The following RORB variants were observed in gnomAD, a reference collection of about 807,000 sequenced individuals.
The protein encoded by RORB is nuclear receptor ROR-beta.
Under a neutral mutation model 59.1 loss-of-function variants are expected in RORB, and 6 were observed. The ratio of observed to expected loss-of-function variants is 0.10; its 90% confidence interval spans 0.06 to 0.20. RORB has a LOEUF of 0.20. Ranked by LOEUF, RORB falls within the 10% of genes least tolerant of loss-of-function variation. The pLI is 1.00. For synonymous variants in RORB, 215 were observed against 204.5 expected (o/e 1.05, Z -0.44); for missense variants, 320 against 560.5 (o/e 0.57, Z 4.33).
intron 4 of RORB, among the ~76,000 whole-genome samples, chr9:74,644,049 G>A (rs1039267284): frequency 6.6e-6 from 1 of 152,124 alleles, no homozygotes; most frequent in African/African-American, 2.4e-5. Flanking sequence ...CTACATGCTC[G>A]GTCACCTTCT....
chr9:74,517,191 T>C (rs1826022224), intron 1 of RORB, among the ~76,000 whole-genome samples: 1 of 152,020 alleles, frequency 6.6e-6, no homozygotes, highest in South Asian at 2.1e-4. Context: ...ATGTGTCATC[T>C]TTTAAAAAAA....
intron 4 of RORB, among the ~76,000 whole-genome samples, chr9:74,647,532 C>T (rs1489770181): frequency 2.0e-5 from 3 of 152,154 alleles, no homozygotes; most frequent in Non-Finnish European, 2.9e-5. Context: ...AACTTTCTCT[C>T]CAGATAAAGA....
chr9:74,497,858 G>C lies in RORB; in HGVS notation c.-119G>C, dbSNP rs560757298. 1.6e-5 allele frequency: 21 copies of C among 1,279,196 alleles called. No homozygotes were observed. The highest frequency in any genetic ancestry group is 1.5e-4 in the South Asian group (12 of 77,644). The allele number at this position is 1,279,196 out of a possible 1,614,324, so 79.2% of individuals were successfully genotyped here. ...GTCCGCCTAAAGGGATGGTTTTCTC[G>C]GCAGAGCAGCTCTTCGCCGACCACC... is the stretch of plus-strand genomic sequence containing the variant. On this transcript the variant is annotated 5_prime_UTR_variant, in exon 1 of 10. Transcript: ENST00000376896.
intron 2 of RORB, among the ~76,000 whole-genome samples, chr9:74,633,222 T>C (rs2118428040): frequency 1.3e-5 from 2 of 152,354 alleles, no homozygotes; most frequent in South Asian, 2.1e-4. Flanking sequence ...TAAAATATTG[T>C]ATTTTCTAAT....
intron 1 of RORB, among the ~76,000 whole-genome samples, chr9:74,625,826 G>C (rs35810823): frequency 0.31 from 47,273 of 152,064 alleles, 7,517 homozygotes; most frequent in Non-Finnish European, 0.35. Context: ...AATTGTAAGA[G>C]TTGGAAGGGT....
intron 1 of RORB, among the ~76,000 whole-genome samples, chr9:74,587,787 C>T (rs1822824034): frequency 6.6e-6 from 1 of 152,184 alleles, no homozygotes; most frequent in Admixed American, 6.5e-5. Context: ...ACATGTCAAT[C>T]TCTGCTACTC....
intron 3 of RORB, among the ~76,000 whole-genome samples, chr9:74,641,667 G>A (rs542044217): frequency 2.6e-5 from 4 of 152,122 alleles, no homozygotes; most frequent in South Asian, 4.2e-4. Context: ...TTGAGAGGCC[G>A]AGACAGGAGG....
intron 1 of RORB, among the ~76,000 whole-genome samples, chr9:74,531,362 A>G (rs1415404737): frequency 6.6e-6 from 1 of 152,034 alleles, no homozygotes; most frequent in African/African-American, 2.4e-5. Context: ...CCATGTGCAC[A>G]GCCAAATCAA....
intron 1 of RORB, among the ~76,000 whole-genome samples, chr9:74,601,371 TTATATA>T (rs5898364): frequency 6.8e-6 from 1 of 147,514 alleles, no homozygotes; most frequent in Non-Finnish European, 1.5e-5. Context: ...AATATGTGAA[TTATATA>T]TATATTATAT....
At chr9:74,632,277 T>C (rs1823631713) in intron 2 of RORB, among the ~76,000 whole-genome samples, 1 of 152,188 alleles carries the variant, frequency 6.6e-6, no homozygotes. Flanking sequence ...AATTATGCTG[T>C]TATTATGAAG....
intron 9 of RORB, among the ~76,000 whole-genome samples, chr9:74,681,473 G>A (rs1219584956): frequency 6.6e-6 from 1 of 152,186 alleles, no homozygotes; most frequent in East Asian, 1.9e-4. Flanking sequence ...CATGGACGCT[G>A]GGAGAGCTCT....
intron 1 of RORB, among the ~76,000 whole-genome samples, chr9:74,621,419 T>G (rs1823416443): frequency 6.6e-6 from 1 of 152,266 alleles, no homozygotes; most frequent in African/African-American, 2.4e-5. Flanking sequence ...CGTGGCTTAA[T>G]AGCTCTTTTT....
chr9:74,524,670 T>C (rs566173069), intron 1 of RORB, among the ~76,000 whole-genome samples: 10 of 151,946 alleles, frequency 6.6e-5, no homozygotes, highest in Non-Finnish European at 1.2e-4. Flanking sequence ...ATTGATTCTT[T>C]CCTTGTCGGG....
intron 4 of RORB, among the ~76,000 whole-genome samples, chr9:74,645,034 T>C (rs781097385): frequency 6.6e-6 from 1 of 152,220 alleles, no homozygotes; most frequent in Non-Finnish European, 1.5e-5. Context: ...TATATTTTAC[T>C]CAATTATTTC....
chr9:74,599,885 T>A (rs1456576733), intron 1 of RORB, among the ~76,000 whole-genome samples: 1 of 152,164 alleles, frequency 6.6e-6, no homozygotes, highest in Non-Finnish European at 1.5e-5. Context: ...TCCAGTTATT[T>A]TAGAAACTAC....
chr9:74,505,974 TA>T (rs34273204), intron 1 of RORB, among the ~76,000 whole-genome samples: 321 of 144,484 alleles, frequency 2.2e-3, no homozygotes, highest in Non-Finnish European at 2.0e-3. Flanking sequence ...CAGCTTGTTT[TA>T]AAAAAAAAAA....
At chr9:74,608,499 G>T (rs1823184164) in intron 1 of RORB, among the ~76,000 whole-genome samples, 1 of 149,028 alleles carries the variant, frequency 6.7e-6, no homozygotes, top group African/African-American at 2.5e-5. Context: ...GGGAGGCGGA[G>T]CTTGCAGTGA....
At chr9:74,675,036 GA>G (rs144554581) in intron 9 of RORB, among the ~76,000 whole-genome samples, 9,105 of 151,486 alleles carry the variant, frequency 0.06, 481 homozygotes, top group East Asian at 0.29. Context: ...GTTGTTGACA[GA>G]AAAAAAAATT....
intron 1 of RORB, among the ~76,000 whole-genome samples, chr9:74,515,395 C>T (rs943447148): frequency 6.6e-5 from 10 of 151,786 alleles, no homozygotes; most frequent in African/African-American, 2.4e-4. Context: ...TGCGATGTTT[C>T]CTCACATACC....
Sources: gnomAD v4.1 joint callset for allele counts (sites outside exome capture counted in the v4.1 genomes callset) on GRCh38, gnomAD v4.1.1 for gene constraint, MANE v1.5 for transcripts, NCBI Gene and HGNC (gene_info 2026-07-23, HGNC 2026-07-21) for gene names.